Variants in ADGRB3 observed in about 807,000 individuals in gnomAD.
ADGRB3 encodes the protein adhesion G protein-coupled receptor B3, also known as brain-specific angiogenesis inhibitor 3.
ADGRB3 carries 37 observed loss-of-function variants against 193.4 expected under a neutral mutation model. That is an observed-to-expected ratio of 0.19 (90% CI 0.15 to 0.25). The LOEUF is 0.25. Among genes scored for constraint, ADGRB3 ranks in the 10% least tolerant of loss-of-function variants. ADGRB3 has a pLI of 1.00. For synonymous variants in ADGRB3, 690 were observed against 644.2 expected, an observed-to-expected ratio of 1.07 and a Z score of -1.08; for missense variants, 1,637 against 1,852.9, an observed-to-expected ratio of 0.88 and a Z score of 2.14.
intron 3 of ADGRB3, among the ~76,000 whole-genome samples, chr6:68,842,620 C>T (rs1036931225): frequency 1.3e-5 from 2 of 151,858 alleles, no homozygotes; most frequent in Non-Finnish European, 2.9e-5. Flanking sequence ...CCTACTCAAA[C>T]TAGTTTTGCA....
rs752977191 is a variant in ADGRB3, at chr6:68,974,837, T to G, written c.1600T>G (p.Phe534Val). 9.9e-6 allele frequency: 16 copies of G among 1,613,856 alleles called. No homozygotes were observed. The Admixed American group carries it at 1.0e-4, about 10-fold the overall frequency. ...WKRTPAGDLA[F>V]NQCPLNATGT... ...AAGAACTCCAGCAGGCGACTTGGCA[T>G]TCAATCAATGTCCCCTGAATGCCAC... The change falls in exon 9 of 32, where the codon TTC (phenylalanine) becomes GTC (valine). Residue 534 changes from phenylalanine to valine, a missense_variant. Coordinates refer to ENST00000370598, the MANE Select transcript of ADGRB3 (RefSeq NM_001704.3).
intron 15 of ADGRB3, among the ~76,000 whole-genome samples, chr6:69,059,081 A>G (rs1403856987): frequency 6.6e-6 from 1 of 151,900 alleles, no homozygotes; most frequent in Non-Finnish European, 1.5e-5. Context: ...TTATATTGTT[A>G]CTATTTATTT....
chr6:68,814,561 C>G (rs1302178293), intron 3 of ADGRB3, among the ~76,000 whole-genome samples: 4 of 152,110 alleles, frequency 2.6e-5, no homozygotes, highest in African/African-American at 9.7e-5. Context: ...AATTAGATCC[C>G]ATTTGTCAAT....
At chr6:68,677,200 G>A (rs766642212) in intron 3 of ADGRB3, among the ~76,000 whole-genome samples, 8 of 152,190 alleles carry the variant, frequency 5.3e-5, no homozygotes, top group Non-Finnish European at 1.0e-4. Context: ...ATGGAATACT[G>A]TGTGTATTAT....
chr6:68,731,370 T>G (rs1765772258), intron 3 of ADGRB3, among the ~76,000 whole-genome samples: 1 of 151,560 alleles, frequency 6.6e-6, no homozygotes, highest in Non-Finnish European at 1.5e-5. Flanking sequence ...TGTAAGTTAA[T>G]AAAGTAACAG....
At chr6:69,210,664 T>TA (rs1266297440) in intron 17 of ADGRB3, among the ~76,000 whole-genome samples, 2 of 152,124 alleles carry the variant, frequency 1.3e-5, no homozygotes, top group East Asian at 1.9e-4. Context: ...AATGCAGACA[T>TA]AAGCCATCAC....
At chr6:69,007,144 GGGCTAAGAACGAAA>G (rs1769783643) in intron 11 of ADGRB3, among the ~76,000 whole-genome samples, 1 of 152,048 alleles carries the variant, frequency 6.6e-6, no homozygotes, top group Non-Finnish European at 1.5e-5. Context: ...TCAGCTACCT[GGGCTAAGAACGAAA>G]GGCTGACTTT....
At chr6:69,026,560 G>T (rs1268841051) in intron 13 of ADGRB3, among the ~76,000 whole-genome samples, 2 of 152,160 alleles carry the variant, frequency 1.3e-5, no homozygotes, top group African/African-American at 4.8e-5. Context: ...TGAAAGGAAT[G>T]CAAAATGCTT....
intron 10 of ADGRB3, among the ~76,000 whole-genome samples, chr6:68,985,569 G>A (rs947643606): frequency 6.6e-6 from 1 of 152,124 alleles, no homozygotes; most frequent in African/African-American, 2.4e-5. Context: ...GGTTGTGCAT[G>A]GAGGTGACCA....
At chr6:68,881,751 T>C (rs555426089) in intron 3 of ADGRB3, among the ~76,000 whole-genome samples, 137 of 152,336 alleles carry the variant, frequency 9.0e-4, no homozygotes, top group African/African-American at 3.2e-3. Context: ...TGGCTAGCTT[T>C]TAATCAGCTT....
chr6:68,663,767 C>T (rs892596788), intron 3 of ADGRB3, among the ~76,000 whole-genome samples: 1 of 151,738 alleles, frequency 6.6e-6, no homozygotes, highest in African/African-American at 2.4e-5. Flanking sequence ...ATATGAAAAG[C>T]CGAAGAGAGC....
intron 23 of ADGRB3, chr6:69,331,472 C>T (rs1482447410): frequency 5.4e-6 from 5 of 924,128 alleles, no homozygotes; most frequent in Non-Finnish European, 6.5e-6. Flanking sequence ...ATGACTCATT[C>T]AAAAAATTGG....
chr6:69,263,276 A>T (rs1561970268), intron 20 of ADGRB3, among the ~76,000 whole-genome samples: 1 of 152,088 alleles, frequency 6.6e-6, no homozygotes, highest in Non-Finnish European at 1.5e-5. Flanking sequence ...CACAGGGAAT[A>T]CAAATCCTTA....
At chr6:68,769,960 A>G (rs532242693) in intron 3 of ADGRB3, among the ~76,000 whole-genome samples, 1 of 152,270 alleles carries the variant, frequency 6.6e-6, no homozygotes, top group Non-Finnish European at 1.5e-5. Context: ...ACTGAAGCTC[A>G]ATTATTTAAA....
chr6:69,044,178 C>A (rs1459896475), intron 13 of ADGRB3, among the ~76,000 whole-genome samples: 1 of 152,242 alleles, frequency 6.6e-6, no homozygotes, highest in East Asian at 1.9e-4. Flanking sequence ...GTGAGCTACT[C>A]TAGTGACCAC....
Position 69,025,105 on chromosome 6 carries a change from A to AT in ADGRB3, c.2107+6606_2107+6607insT, listed in dbSNP as rs1244689524. Reference sequence around the variant, plus strand: ...AGACTCCGTCTCAAAAAAAAAAAAAAAAAATAAAAAATAATAAAATAAAAT... The same window carrying AT: ...AGACTCCGTCTCAAAAAAAAAAAAAATAAAATAAAAAATAATAAAATAAAAT... On this transcript the variant is annotated intron_variant, in intron 13 of 31. Coordinates refer to ENST00000370598, the MANE Select transcript of ADGRB3 (RefSeq NM_001704.3). Among the ~76,000 whole-genome samples, 240 of 145,822 alleles carry AT rather than the reference A, an allele frequency of 1.6e-3. 2 individuals are homozygous for AT. Among genetic ancestry groups the AT allele is most frequent in the African/African-American group, 5.7e-3 (233 of 40,602 alleles).
In ADGRB3 at chr6:69,099,702, A is replaced by G. The variant is rs370183918; in HGVS notation, c.2480+23664A>G. 2.0e-5 allele frequency among the ~76,000 whole-genome samples: 3 copies of G among 152,216 alleles called. No homozygotes were observed. In the East Asian group the frequency reaches 5.8e-4, roughly 29 times the overall value. ...ATTTGCGTTTAACAAATGGGGCTCA[A>G]GATGAAAACAGACTTCCTTCATTCT... On this transcript the variant is annotated intron_variant, in intron 17 of 31. Coordinates refer to ENST00000370598, the MANE Select transcript of ADGRB3 (RefSeq NM_001704.3).
chr6:69,208,561 C>G (rs1446794844), intron 17 of ADGRB3, among the ~76,000 whole-genome samples: 1 of 152,212 alleles, frequency 6.6e-6, no homozygotes, highest in Non-Finnish European at 1.5e-5. Flanking sequence ...TAGAAAGGGG[C>G]TGTCATGCTG....
At chr6:69,020,089 G>T (rs558364297) in intron 13 of ADGRB3, among the ~76,000 whole-genome samples, 2 of 152,106 alleles carry the variant, frequency 1.3e-5, no homozygotes, top group Admixed American at 6.6e-5. Context: ...GGGTCTTGGG[G>T]CAGATTGGAC....
Sources: gnomAD v4.1 joint callset for allele counts (sites outside exome capture counted in the v4.1 genomes callset) on GRCh38, gnomAD v4.1.1 for gene constraint, MANE v1.5 for transcripts, NCBI Gene and HGNC (gene_info 2026-07-23, HGNC 2026-07-21) for gene names.